Variants in USP12 observed in about 807,000 individuals in gnomAD.
USP12 encodes the protein ubiquitin carboxyl-terminal hydrolase 12.
In USP12, 19 loss-of-function variants were observed where a neutral mutation model predicts 45.5. The observed-to-expected ratio is 0.42, with a 90% CI of 0.29 to 0.61. USP12 has a LOEUF of 0.61. Among genes scored for constraint, USP12 ranks in the 20% least tolerant of loss-of-function variants. USP12 has a pLI of 0.22. For synonymous variants in USP12, 149 were observed against 148.8 expected (o/e 1.00, Z -0.01); for missense variants, 242 against 447.7 (o/e 0.54, Z 4.15).
intron 1 of USP12, among the ~76,000 whole-genome samples, chr13:27,154,632 ATTT>A (rs1375253268): frequency 6.6e-6 from 1 of 152,138 alleles, no homozygotes; most frequent in Non-Finnish European, 1.5e-5. Context: ...CCTCTAATAC[ATTT>A]TTTAAAGTTA....
chr13:27,100,344 T>C (rs1874809274), intron 3 of USP12, among the ~76,000 whole-genome samples: 1 of 152,204 alleles, frequency 6.6e-6, no homozygotes, highest in African/African-American at 2.4e-5. Flanking sequence ...CAACCCTTTC[T>C]AAGTTGCTCA....
At chr13:27,138,181 A>G (rs1238453993) in intron 1 of USP12, among the ~76,000 whole-genome samples, 2 of 152,212 alleles carry the variant, frequency 1.3e-5, no homozygotes, top group Non-Finnish European at 2.9e-5. Flanking sequence ...AATTTGTGAT[A>G]ATTTGTTACA....
At chr13:27,101,925 G>T (rs962956685) in intron 3 of USP12, among the ~76,000 whole-genome samples, 1 of 152,084 alleles carries the variant, frequency 6.6e-6, no homozygotes, top group Admixed American at 6.6e-5. Context: ...GTCCATGCAG[G>T]TTCCTTAAGA....
At chr13:27,107,073 C>G (rs1875175613) in intron 2 of USP12, among the ~76,000 whole-genome samples, 1 of 152,092 alleles carries the variant, frequency 6.6e-6, no homozygotes, top group Admixed American at 6.5e-5. Flanking sequence ...ACCTGTAATC[C>G]CAGCACTTTG....
At chr13:27,163,777 A>AAAAG (rs1878224341) in intron 1 of USP12, among the ~76,000 whole-genome samples, 1 of 139,846 alleles carries the variant, frequency 7.2e-6, no homozygotes, top group Non-Finnish European at 1.6e-5. Context: ...TTAAAAAAAA[A>AAAAG]AAAAAAAAGA....
intron 6 of USP12, among the ~76,000 whole-genome samples, chr13:27,084,218 A>AC (rs1565983882): frequency 5.3e-4 from 57 of 107,212 alleles, no homozygotes; most frequent in African/African-American, 1.9e-3. Flanking sequence ...ACACACACAC[A>AC]AATTCCTGTC....
intron 1 of USP12, among the ~76,000 whole-genome samples, chr13:27,139,005 C>G (rs1233946822): frequency 2.0e-5 from 3 of 152,152 alleles, no homozygotes; most frequent in African/African-American, 7.2e-5. Flanking sequence ...CAATCGCATC[C>G]TATATATTAA....
intron 4 of USP12, among the ~76,000 whole-genome samples, chr13:27,090,906 A>G (rs1296322693): frequency 6.6e-6 from 1 of 152,242 alleles, no homozygotes; most frequent in African/African-American, 2.4e-5. Context: ...ACATGTGACT[A>G]TACAAAGTAT....
chr13:27,137,500 AATAG>A (rs1341644960), intron 1 of USP12, among the ~76,000 whole-genome samples: 1 of 152,226 alleles, frequency 6.6e-6, no homozygotes, highest in Non-Finnish European at 1.5e-5. Context: ...AAGTGCTGTA[AATAG>A]ATAGATGTAT....
At chr13:27,146,954 G>A (rs1877335219) in intron 1 of USP12, among the ~76,000 whole-genome samples, 1 of 152,190 alleles carries the variant, frequency 6.6e-6, no homozygotes. Context: ...AAGAGACACA[G>A]GGAAAAGAGG....
rs778864821 is a variant in USP12, at chr13:27,095,809, T to G, written c.365A>C (p.Gln122Pro). The change falls in exon 4 of 9, where the codon CAA (glutamine) becomes CCA (proline). Residue 122 changes from glutamine to proline, a missense_variant. Around this residue, in one of 5 missense-constraint regions of USP12, gnomAD observed 77 missense variants for 153.7 expected, o/e 0.50. Transcript: ENST00000282344. ...KENELFDNYMQQDAHEFLNYL... is the reference protein window; with the variant it reads ...KENELFDNYMPQDAHEFLNYL... The stretch of plus-strand genomic sequence containing the variant: ...ATTTAAGAATTCATGGGCATCTTGT[T>G]GCATGTAGTTGTCAAAAAGCTCTGA... 6.3e-7 allele frequency: 1 copy of G among 1,596,850 alleles called. No homozygotes were observed. The highest frequency in any genetic ancestry group is 8.5e-7 in the Non-Finnish European group (1 of 1,173,936).
chr13:27,110,380 A>T (rs1341709191), intron 2 of USP12, among the ~76,000 whole-genome samples: 1 of 152,224 alleles, frequency 6.6e-6, no homozygotes, highest in African/African-American at 2.4e-5. Context: ...TTGAGGGGAT[A>T]AAACAAAGCT....
chr13:27,105,681 T>A (rs1875099660), intron 3 of USP12, 50 bp downstream of exon 3: 1 of 1,542,722 alleles, frequency 6.5e-7, no homozygotes, highest in East Asian at 2.3e-5. Flanking sequence ...TATGGCACAC[T>A]ATATTTAACC....
At chr13:27,108,815 G>A (rs551793197) in intron 2 of USP12, among the ~76,000 whole-genome samples, 28 of 152,220 alleles carry the variant, frequency 1.8e-4, no homozygotes, top group South Asian at 1.0e-3. Context: ...AAAATTAGCC[G>A]GGTGTGGTGG....
rs1207555482 is a variant in USP12 at position 27,171,521 on chromosome 13, A to G, written c.48+71T>C. Reference sequence around the variant, plus strand: ...AGGCCCCGCGAGCGGCCACTGGGAGAGGCGGGTCCAGCGCCGCCCGCCCGC... The same window carrying G: ...AGGCCCCGCGAGCGGCCACTGGGAGGGGCGGGTCCAGCGCCGCCCGCCCGC... On this transcript the variant is annotated intron_variant, in intron 1 of 8. Coordinates refer to ENST00000282344, the MANE Select transcript of USP12 (RefSeq NM_182488.4). 4.6e-6 allele frequency: 3 copies of G among 651,832 alleles called. No homozygotes were observed. In the African/African-American group the frequency reaches 7.6e-5, roughly 17 times the overall value. The allele number at this position is 651,832 out of a possible 1,614,324, so 40.4% of individuals were successfully genotyped here.
intron 1 of USP12, among the ~76,000 whole-genome samples, chr13:27,147,364 T>C (rs1221718494): frequency 6.6e-6 from 1 of 152,212 alleles, no homozygotes; most frequent in Non-Finnish European, 1.5e-5. Context: ...ATGAGAATGC[T>C]TGTAATATTT....
At chr13:27,113,334 GT>G (rs1175321080) in intron 2 of USP12, among the ~76,000 whole-genome samples, 2 of 152,138 alleles carry the variant, frequency 1.3e-5, no homozygotes, top group East Asian at 3.8e-4. Context: ...AAAAGGAACC[GT>G]TTTTGAAGAA....
intron 1 of USP12, among the ~76,000 whole-genome samples, chr13:27,126,506 T>C (rs1006321236): frequency 4.6e-5 from 7 of 152,186 alleles, no homozygotes; most frequent in African/African-American, 1.7e-4. Flanking sequence ...GTTGGTACAA[T>C]GAAAACCCTG....
At chr13:27,170,219 T>C (rs1281249390) in intron 1 of USP12, 1 of 398,270 alleles carries the variant, frequency 2.5e-6, no homozygotes, top group African/African-American at 2.1e-5. Context: ...ATGATTTCTT[T>C]AATACTGTCG....
Sources: allele counts gnomAD v4.1 joint callset (sites outside exome capture counted in the v4.1 genomes callset), GRCh38; gene constraint gnomAD v4.1.1; regional missense constraint gnomAD v4.1.1; transcripts MANE v1.5; gene names NCBI Gene and HGNC (gene_info 2026-07-23, HGNC 2026-07-21).